Variants in CNTN5 observed in about 807,000 individuals in gnomAD.
CNTN5 encodes contactin 5, also known as contactin-5.
CNTN5 carries 77 observed loss-of-function variants against 129.1 expected under a neutral mutation model. That is an observed-to-expected ratio of 0.60 (90% CI 0.50 to 0.72). CNTN5 has a LOEUF of 0.72. Among genes scored for constraint, CNTN5 ranks in the 30% least tolerant of loss-of-function variants. CNTN5 has a pLI of 0.00. For missense variants in CNTN5, 1,478 were observed against 1,328.8 expected (o/e 1.11, Z -1.75); for synonymous variants, 509 against 465.6 (o/e 1.09, Z -1.20).
intron 1 of CNTN5, among the ~76,000 whole-genome samples, chr11:99,096,913 G>C (rs1377295381): frequency 6.6e-6 from 1 of 151,824 alleles, no homozygotes; most frequent in East Asian, 1.9e-4. Flanking sequence ...TCTTGCAAAA[G>C]CATTGTAGTT....
At chr11:99,705,666 A>G (rs1047859276) in intron 3 of CNTN5, among the ~76,000 whole-genome samples, 2 of 151,470 alleles carry the variant, frequency 1.3e-5, no homozygotes, top group African/African-American at 2.4e-5. Context: ...ATGAGACAGC[A>G]TATTTAGAGG....
At chr11:99,806,839 A>G (rs1946287200) in intron 3 of CNTN5, among the ~76,000 whole-genome samples, 1 of 150,780 alleles carries the variant, frequency 6.6e-6, no homozygotes, top group African/African-American at 2.4e-5. Context: ...AAATAGATAC[A>G]TTAGATACAT....
chr11:99,745,929 A>C (rs1421439534), intron 3 of CNTN5, among the ~76,000 whole-genome samples: 1 of 152,196 alleles, frequency 6.6e-6, no homozygotes, highest in Non-Finnish European at 1.5e-5. Flanking sequence ...CTAGCCAAGA[A>C]GACCAGTGAT....
intron 2 of CNTN5, among the ~76,000 whole-genome samples, chr11:99,478,858 A>G (rs1453904338): frequency 6.6e-6 from 1 of 152,168 alleles, no homozygotes; most frequent in Non-Finnish European, 1.5e-5. Context: ...ATATATTTCT[A>G]TTACACAGAG....
chr11:100,278,961 T>A (rs912338940), intron 18 of CNTN5, among the ~76,000 whole-genome samples: 4 of 151,984 alleles, frequency 2.6e-5, no homozygotes, highest in Admixed American at 2.0e-4. Flanking sequence ...ATTTTTATGA[T>A]GTTGAGTTAT....
chr11:99,081,203 G>A (rs1009233132), intron 1 of CNTN5, among the ~76,000 whole-genome samples: 3 of 151,984 alleles, frequency 2.0e-5, no homozygotes, highest in Non-Finnish European at 4.4e-5. Flanking sequence ...TCAATAAAAT[G>A]GAAAGGCTGA....
intron 16 of CNTN5, among the ~76,000 whole-genome samples, chr11:100,249,057 T>C (rs1354387240): frequency 6.6e-6 from 1 of 152,208 alleles, no homozygotes; most frequent in African/African-American, 2.4e-5. Flanking sequence ...CTTCCTCATC[T>C]GAAAAATAAT....
At chr11:100,354,012 A>G (rs1952472948) in intron 24 of CNTN5, among the ~76,000 whole-genome samples, 1 of 151,486 alleles carries the variant, frequency 6.6e-6, no homozygotes, top group Admixed American at 6.6e-5. Context: ...GGTTTTAACT[A>G]AGGCCAATCA....
intron 1 of CNTN5, among the ~76,000 whole-genome samples, chr11:99,169,370 A>ATGTG (rs72294394): frequency 0.23 from 29,651 of 128,402 alleles, 3,640 homozygotes; most frequent in East Asian, 0.39. Context: ...GCAATAAGCT[A>ATGTG]TATGTGTGTG....
intron 2 of CNTN5, among the ~76,000 whole-genome samples, chr11:99,370,947 A>C (rs1939782051): frequency 6.6e-6 from 1 of 152,160 alleles, no homozygotes; most frequent in Admixed American, 6.5e-5. Flanking sequence ...CCTCCAGGGT[A>C]TTCGTGGCAC....
At chr11:100,284,639 A>G (rs1484026051) in intron 18 of CNTN5, among the ~76,000 whole-genome samples, 1 of 152,236 alleles carries the variant, frequency 6.6e-6, no homozygotes, top group Non-Finnish European at 1.5e-5. Context: ...TTAATATTCT[A>G]TACGTTACAT....
chr11:100,086,113 G>A (rs941939373), intron 13 of CNTN5, among the ~76,000 whole-genome samples: 1 of 151,882 alleles, frequency 6.6e-6, no homozygotes, highest in Non-Finnish European at 1.5e-5. Context: ...GAACTTGAAT[G>A]CACAGATTGA....
At chr11:100,134,701 C>T (rs1946471943) in intron 13 of CNTN5, among the ~76,000 whole-genome samples, 1 of 152,070 alleles carries the variant, frequency 6.6e-6, no homozygotes, top group African/African-American at 2.4e-5. Flanking sequence ...CATCCATCAG[C>T]CTTAAAGGCC....
chr11:99,397,716 T>C (rs180746210), intron 2 of CNTN5, among the ~76,000 whole-genome samples: 1 of 151,848 alleles, frequency 6.6e-6, no homozygotes. Context: ...GACCACTTCC[T>C]TTTTTTCTGG....
intron 2 of CNTN5, among the ~76,000 whole-genome samples, chr11:99,486,988 C>G (rs1315134186): frequency 6.6e-6 from 1 of 152,146 alleles, no homozygotes; most frequent in Non-Finnish European, 1.5e-5. Context: ...GTCTTTTCCT[C>G]TGGTATTTTT....
chr11:99,034,982 T>C (rs1288648465), intron 1 of CNTN5, among the ~76,000 whole-genome samples: 5 of 151,200 alleles, frequency 3.3e-5, no homozygotes, highest in Non-Finnish European at 7.4e-5. Flanking sequence ...TTTGTTCTCG[T>C]TGGTTTCAAA....
Position 99,499,370 on chromosome 11 carries a change from A to G in CNTN5, c.-70-56775A>G, listed in dbSNP as rs535380895. Among the ~76,000 whole-genome samples the G allele has an allele frequency of 1.1e-3, 160 of 152,252 alleles. No individual in the cohort carries two copies. The South Asian group carries it at 0.033, about 31-fold the overall frequency. ...GGACTTCTCCCTCATGAATAAGATT[A>G]AGGCCCTTAAGAAAGCATTTGCATG... On this transcript the variant is annotated intron_variant, in intron 2 of 24. Transcript: ENST00000524871.
chr11:99,439,059 T>G (rs2135138581), intron 2 of CNTN5, among the ~76,000 whole-genome samples: 1 of 152,372 alleles, frequency 6.6e-6, no homozygotes, highest in East Asian at 1.9e-4. Context: ...ATGTGCCATT[T>G]ATCTTTTCGA....
chr11:100,127,350 A>G (rs1382845589), intron 13 of CNTN5, among the ~76,000 whole-genome samples: 1 of 151,910 alleles, frequency 6.6e-6, no homozygotes, highest in Non-Finnish European at 1.5e-5. Context: ...GATGATGATA[A>G]CAATCCTTTG....
Sources: allele counts gnomAD v4.1 joint callset (sites outside exome capture counted in the v4.1 genomes callset), GRCh38; gene constraint gnomAD v4.1.1; transcripts MANE v1.5; gene names NCBI Gene and HGNC (gene_info 2026-07-23, HGNC 2026-07-21).